The following NTRK3 variants were observed in gnomAD, a reference collection of about 807,000 sequenced individuals.
NTRK3 encodes the protein neurotrophic receptor tyrosine kinase 3.
In NTRK3, 24 loss-of-function variants were observed where a neutral mutation model predicts 91.7. The ratio of observed to expected loss-of-function variants is 0.26; its 90% CI spans 0.19 to 0.37. The LOEUF (loss-of-function observed/expected upper bound fraction) is 0.37. Ranked by LOEUF, NTRK3 falls within the 10% of genes least tolerant of loss-of-function variation. The pLI is 1.00. For missense variants in NTRK3, 880 were observed against 1,068.9 expected (o/e 0.82, Z 2.46); for synonymous variants, 483 against 404.0 (o/e 1.20, Z -2.34).
At chr15:88,138,901 G>A (rs2042124905) in intron 6 of NTRK3, among the ~76,000 whole-genome samples, 1 of 152,174 alleles carries the variant, frequency 6.6e-6, no homozygotes, top group African/African-American at 2.4e-5. Flanking sequence ...ATAAATTCTT[G>A]TTAAAGGAAA....
rs544855986 is a variant in NTRK3, at chr15:88,032,223, G to T, written c.1585+634C>A. On this transcript the variant is annotated intron_variant, in intron 14 of 18. Transcript: ENST00000394480. ...CAGGAGCTCAGAGGGGGCCTAGCAGGGCTCAGCAGAAGGACAAGGAGAGGG... is the reference window on the plus strand; with the variant it reads ...CAGGAGCTCAGAGGGGGCCTAGCAGTGCTCAGCAGAAGGACAAGGAGAGGG... Among the ~76,000 whole-genome samples, 5 of 152,164 alleles carry T rather than the reference G, an allele frequency of 3.3e-5. No individual in the cohort carries two copies. In the South Asian group the frequency reaches 1.0e-3, roughly 32 times the overall value.
intron 14 of NTRK3, among the ~76,000 whole-genome samples, chr15:87,988,445 A>G (rs537167646): frequency 1.9e-4 from 29 of 152,342 alleles, no homozygotes; most frequent in African/African-American, 6.7e-4. Context: ...TAATGTACCT[A>G]CACTCATTTC....
chr15:87,921,795 T>C (rs1027635797), intron 17 of NTRK3, among the ~76,000 whole-genome samples: 2 of 152,044 alleles, frequency 1.3e-5, no homozygotes, highest in African/African-American at 4.8e-5. Flanking sequence ...CTTCTGCCTC[T>C]GCAGAGCAAA....
chr15:87,984,213 G>A (rs2074539473), intron 14 of NTRK3, among the ~76,000 whole-genome samples: 1 of 152,184 alleles, frequency 6.6e-6, no homozygotes, highest in Non-Finnish European at 1.5e-5. Flanking sequence ...GTACCCAGTG[G>A]AACTCTTTCC....
intron 5 of NTRK3, among the ~76,000 whole-genome samples, chr15:88,181,784 C>T (rs933827783): frequency 3.3e-5 from 5 of 152,220 alleles, no homozygotes; most frequent in Non-Finnish European, 7.3e-5. Flanking sequence ...GGCCCCACCT[C>T]CACGTGGCAT....
At chr15:87,909,074 T>C (rs368636763) in intron 17 of NTRK3, among the ~76,000 whole-genome samples, 1 of 152,138 alleles carries the variant, frequency 6.6e-6, no homozygotes, top group African/African-American at 2.4e-5. Context: ...AATCCCTGAA[T>C]TCACCACTGC....
At chr15:88,068,257 C>T (rs2046822361) in intron 13 of NTRK3, among the ~76,000 whole-genome samples, 2 of 152,020 alleles carry the variant, frequency 1.3e-5, no homozygotes, top group Admixed American at 1.3e-4. Flanking sequence ...CATGGTGAAA[C>T]CACATCTCTA....
At chr15:88,075,673 AT>A (rs2047481021) in intron 13 of NTRK3, among the ~76,000 whole-genome samples, 1 of 152,042 alleles carries the variant, frequency 6.6e-6, no homozygotes, top group Non-Finnish European at 1.5e-5. Flanking sequence ...GTACCTCAAA[AT>A]TCCCTCCACC....
At position 88,042,815 on chromosome 15, in the gene NTRK3, G is replaced by A. The variant is rs1400964148; in HGVS notation, c.1397-9770C>T. ...CAGTGATGTAGTTGAGGAAATTCAA[G>A]CTCAAGGCTTCATAATTTGCCCAAG... On this transcript the variant is annotated intron_variant, in intron 13 of 18. Coordinates refer to ENST00000394480, the Ensembl canonical transcript of NTRK3. Among the ~76,000 whole-genome samples, 9 of 152,138 alleles carry A rather than the reference G, an allele frequency of 5.9e-5. No homozygotes were observed. The East Asian group carries it at 1.7e-3, about 29-fold the overall frequency.
At position 87,912,931 on chromosome 15, in the gene NTRK3, A is replaced by ATATAT. The variant is rs1567099538; in HGVS notation, c.2133+16259_2133+16260insATATA. Among the ~76,000 whole-genome samples, 257 of 36,190 alleles carry ATATAT rather than the reference A, an allele frequency of 7.1e-3. 5 individuals are homozygous for ATATAT. The highest frequency in any genetic ancestry group is 0.014 in the South Asian group (12 of 834). 23.7% of individuals were successfully genotyped at this position (36,190 alleles called of 152,430 possible). ...TTCAACTTTTCAAAAAGTAAAAAAA[A>ATATAT]ATATATATATATATATATATATATA... is the stretch of plus-strand genomic sequence containing the variant. On this transcript the variant is annotated intron_variant, in intron 17 of 18. Transcript: ENST00000394480.
chr15:88,155,104 G>A (rs1181705788), intron 5 of NTRK3, among the ~76,000 whole-genome samples: 3 of 152,172 alleles, frequency 2.0e-5, no homozygotes, highest in African/African-American at 4.8e-5. Flanking sequence ...TCCAAATCTC[G>A]AGAATCTGTG....
chr15:87,923,713 T>G (rs1394843747), intron 17 of NTRK3, among the ~76,000 whole-genome samples: 1 of 152,220 alleles, frequency 6.6e-6, no homozygotes, highest in Non-Finnish European at 1.5e-5. Flanking sequence ...GATCCTCTGT[T>G]GAAAACTTAA....
intron 14 of NTRK3, among the ~76,000 whole-genome samples, chr15:87,980,633 C>T (rs886510968): frequency 6.6e-6 from 1 of 152,156 alleles, no homozygotes; most frequent in Non-Finnish European, 1.5e-5. Flanking sequence ...CATAAGGGGC[C>T]TCTGGACATT....
chr15:87,948,380 T>C (rs576933931), intron 14 of NTRK3, among the ~76,000 whole-genome samples: 2 of 152,260 alleles, frequency 1.3e-5, no homozygotes, highest in South Asian at 2.1e-4. Flanking sequence ...TTTTTAGAGG[T>C]CTAGAATTTA....
At chr15:88,099,773 T>C (rs984067436) in intron 13 of NTRK3, among the ~76,000 whole-genome samples, 1 of 152,170 alleles carries the variant, frequency 6.6e-6, no homozygotes, top group African/African-American at 2.4e-5. Context: ...ACTTAATAGT[T>C]ACTAAGTGCT....
At chr15:87,864,289 A>G in exon 19 of NTRK3, 1 of 232,264 alleles carries the variant, frequency 4.3e-6, no homozygotes, top group Non-Finnish European at 8.5e-6. Context: ...CATCTGATAG[A>G]ATTGGAGGAG....
At chr15:88,085,127 G>A (rs2048382469) in intron 13 of NTRK3, among the ~76,000 whole-genome samples, 1 of 152,180 alleles carries the variant, frequency 6.6e-6, no homozygotes, top group South Asian at 2.1e-4. Flanking sequence ...AGCAACCATG[G>A]TTAATAAAAT....
chr15:87,980,624 A>C (rs2074171955), intron 14 of NTRK3, among the ~76,000 whole-genome samples: 1 of 152,190 alleles, frequency 6.6e-6, no homozygotes, highest in Non-Finnish European at 1.5e-5. Context: ...TGTAGAGGTC[A>C]TAAGGGGCCT....
exon 19 of NTRK3, chr15:87,864,060 A>G: frequency 4.3e-6 from 1 of 232,556 alleles, no homozygotes; most frequent in Non-Finnish European, 8.5e-6. Flanking sequence ...AAATAACATG[A>G]ATCTTCCCCC....
Sources: allele counts gnomAD v4.1 joint callset (sites outside exome capture counted in the v4.1 genomes callset), GRCh38; gene constraint gnomAD v4.1.1; transcripts MANE v1.5; gene names NCBI Gene and HGNC (gene_info 2026-07-23, HGNC 2026-07-21).